The following BLK variants were observed in gnomAD, a reference collection of about 807,000 sequenced individuals.
BLK encodes the protein BLK proto-oncogene, Src family tyrosine kinase, also known as tyrosine-protein kinase Blk.
A neutral mutation model predicts 61.8 loss-of-function variants in BLK; 64 were observed. The ratio of observed to expected loss-of-function variants is 1.03; its 90% CI spans 0.85 to 1.27. The LOEUF is 1.27. Among genes scored for constraint, BLK ranks in the 50% most tolerant of loss-of-function variants. BLK has a pLI of 0.00. For synonymous variants in BLK, 351 were observed against 272.0 expected (o/e 1.29, Z -2.86); for missense variants, 853 against 660.5 (o/e 1.29, Z -3.19).
chr8:11,510,815 A>AC (rs1798972379), intron 1 of BLK, among the ~76,000 whole-genome samples: 20 of 144,340 alleles, frequency 1.4e-4, no homozygotes, highest in Admixed American at 8.1e-4. Context: ...ATAAATAAAT[A>AC]AATACATAAA....
intron 1 of BLK, among the ~76,000 whole-genome samples, chr8:11,538,149 C>T (rs1160725852): frequency 6.6e-6 from 1 of 152,216 alleles, no homozygotes; most frequent in Admixed American, 6.5e-5. Context: ...CTCTCGCTCT[C>T]ACACACACAC....
Position 11,500,117 on chromosome 8 carries a change from G to T in BLK, c.-2+5526G>T, listed in dbSNP as rs149196601. ...GAGCCAACCTGCAGTCAAATGTCCA[G>T]CTGTGAGTCTATTACAGTTATAGAA... On this transcript the variant is annotated intron_variant, in intron 1 of 12. Transcript: ENST00000259089. Among the ~76,000 whole-genome samples, 534 of 152,274 alleles carry T rather than the reference G, an allele frequency of 3.5e-3. 1 individual carries two copies. The highest frequency in any genetic ancestry group is 0.012 in the African/African-American group (507 of 41,560).
At position 11,504,390 on chromosome 8, in the gene BLK, A is replaced by G. The variant is rs77650457; in HGVS notation, c.-2+9799A>G. Among the ~76,000 whole-genome samples, 804 of 82,272 alleles carry G rather than the reference A, an allele frequency of 9.8e-3. 6 individuals are homozygous for G. The highest frequency in any genetic ancestry group is 0.017 in the East Asian group (8 of 480). 54.0% of individuals were successfully genotyped at this position (82,272 alleles called of 152,430 possible). On this transcript the variant is annotated intron_variant, in intron 1 of 12. Transcript: ENST00000259089. Reference sequence around the variant, plus strand: ...AAGAAAGAAAAGAAAAGAAAAGAAAAGAAAAGAAAAGAAAAGAAAAGAAAA... The same window carrying G: ...AAGAAAGAAAAGAAAAGAAAAGAAAGGAAAAGAAAAGAAAAGAAAAGAAAA...
At chr8:11,516,389 C>A (rs535656099) in intron 1 of BLK, among the ~76,000 whole-genome samples, 1 of 152,204 alleles carries the variant, frequency 6.6e-6, no homozygotes, top group African/African-American at 2.4e-5. Flanking sequence ...GTCTCACGAC[C>A]GCCCTTCCCC....
chr8:11,509,216 A>T (rs1461853181), intron 1 of BLK: 2 of 152,122 alleles, frequency 1.3e-5, no homozygotes, highest in Non-Finnish European at 2.9e-5. Flanking sequence ...CTAACCTCAC[A>T]GCACCCGAAG....
chr8:11,554,887 C>G lies in BLK; in HGVS notation c.617C>G (p.Ser206Cys), dbSNP rs550720173. The G allele has an allele frequency of 8.3e-5, 134 of 1,613,016 alleles. 2 individuals are homozygous for G. The South Asian group carries it at 1.4e-3, about 17-fold the overall frequency. ...PSLQALVQHY[S>C]KKGDGLCQRL... ...CTCCAGGCCCTGGTGCAGCACTATT[C>G]TAGTAAGAGGGGGCGTGCAATGGGG... The change falls in exon 7 of 13, where the codon TCT becomes TGT. Residue 206 changes from serine to cysteine, a missense_variant and splice_region_variant. Physicochemically the swap from Ser to Cys is moderately radical, Grantham distance 112 (BLOSUM62 -1). Transcript: ENST00000259089.
intron 1 of BLK, among the ~76,000 whole-genome samples, chr8:11,499,801 A>G (rs1054633537): frequency 1.3e-5 from 2 of 152,130 alleles, no homozygotes; most frequent in Non-Finnish European, 2.9e-5. Context: ...TCTAACCACT[A>G]GCAGTTTGGT....
chr8:11,556,841 G>T lies in BLK; in HGVS notation c.952+4G>T. ...GTCACCGAGTACATGGCCAGAGGTG[G>T]TGCCCCCCGCAGAGCCGCATCCTCA... On this transcript the variant is annotated splice_donor_region_variant and intron_variant, in intron 9 of 12. Coordinates refer to ENST00000259089, the MANE Select transcript of BLK (RefSeq NM_001715.3). 2 of 1,613,748 alleles carry T rather than the reference G, an allele frequency of 1.2e-6. No individual in the cohort carries two copies. The highest frequency in any genetic ancestry group is 1.7e-6 in the Non-Finnish European group (2 of 1,179,794).
rs139457744 is a variant in BLK at position 11,512,913 on chromosome 8, C to T, written c.-2+18322C>T. 6.0e-3 allele frequency among the ~76,000 whole-genome samples: 909 copies of T among 152,248 alleles called. 10 individuals carry two copies. The highest frequency in any genetic ancestry group is 0.021 in the African/African-American group (863 of 41,528). On this transcript the variant is annotated intron_variant, in intron 1 of 12. Coordinates refer to ENST00000259089, the MANE Select transcript of BLK (RefSeq NM_001715.3). ...AACTCCTGACCTCAAGTGATCTGCCCGCTTCGGCCTCCCAGACTGCTGGGA... is the reference window on the plus strand; with the variant it reads ...AACTCCTGACCTCAAGTGATCTGCCTGCTTCGGCCTCCCAGACTGCTGGGA...
At chr8:11,546,180 G>T (rs754499170) in intron 3 of BLK, 77 bp downstream of exon 3, 593 of 1,543,560 alleles carry the variant, frequency 3.8e-4, no homozygotes, top group Non-Finnish European at 4.8e-4. Context: ...TTGGAAAAAG[G>T]TTGAGTCAGG....
chr8:11,516,744 T>G (rs1390449291), intron 1 of BLK, among the ~76,000 whole-genome samples: 1 of 152,240 alleles, frequency 6.6e-6, no homozygotes, highest in Admixed American at 6.5e-5. Context: ...TCACCCATGT[T>G]GTAGCATGTG....
At chr8:11,539,777 T>C (rs1375293122) in intron 1 of BLK, among the ~76,000 whole-genome samples, 3 of 152,194 alleles carry the variant, frequency 2.0e-5, no homozygotes, top group African/African-American at 4.8e-5. Flanking sequence ...ATCCTAGAAA[T>C]GGAGCGTGAA....
chr8:11,517,048 C>A (rs1336860522), intron 1 of BLK, among the ~76,000 whole-genome samples: 1 of 152,168 alleles, frequency 6.6e-6, no homozygotes, highest in Non-Finnish European at 1.5e-5. Flanking sequence ...CTGGGGAGTT[C>A]TGAGTAGGGA....
At chr8:11,519,189 G>A (rs145154575) in intron 1 of BLK, among the ~76,000 whole-genome samples, 252 of 152,302 alleles carry the variant, frequency 1.7e-3, no homozygotes, top group African/African-American at 5.9e-3. Context: ...TTCTTGTTCA[G>A]GGGATAATGG....
chr8:11,506,986 C>A (rs1020297263), intron 1 of BLK, among the ~76,000 whole-genome samples: 2 of 152,222 alleles, frequency 1.3e-5, no homozygotes, highest in African/African-American at 4.8e-5. Flanking sequence ...GGGTGCAGAA[C>A]CATCGTGAAT....
intron 1 of BLK, among the ~76,000 whole-genome samples, chr8:11,526,593 C>T (rs1034344387): frequency 3.9e-5 from 6 of 152,168 alleles, no homozygotes; most frequent in African/African-American, 9.7e-5. Context: ...GTGGCACATG[C>T]CTGTCGTCCC....
At chr8:11,562,853 C>A in intron 11 of BLK, 126 bp from the exon 12 acceptor site, 1 of 1,380,166 alleles carries the variant, frequency 7.2e-7, no homozygotes, top group Non-Finnish European at 1.0e-6. Context: ...TGCCTGGCCG[C>A]CCCGCCCTGT....
At chr8:11,543,175 C>G (rs1200754119) in intron 1 of BLK, 49 bp from the exon 2 acceptor site, 3 of 1,611,962 alleles carry the variant, frequency 1.9e-6, no homozygotes, top group Non-Finnish European at 2.5e-6. Flanking sequence ...TGCAGAGGAT[C>G]TGAGGCCCCG....
chr8:11,502,721 G>C (rs1047410197), intron 1 of BLK, among the ~76,000 whole-genome samples: 2 of 152,246 alleles, frequency 1.3e-5, no homozygotes, highest in Non-Finnish European at 2.9e-5. Context: ...GGGAGGCCGA[G>C]TGTCTTGAGG....
Sources: gnomAD v4.1 joint callset for allele counts (sites outside exome capture counted in the v4.1 genomes callset) on GRCh38, gnomAD v4.1.1 for gene constraint, MANE v1.5 for transcripts, NCBI Gene and HGNC (gene_info 2026-07-23, HGNC 2026-07-21) for gene names.